Variants in CAST observed in about 807,000 individuals in gnomAD.
The protein encoded by CAST is calpastatin.
CAST carries 76 observed loss-of-function variants against 119.6 expected under a neutral mutation model. That is an observed-to-expected ratio of 0.64 (90% CI 0.53 to 0.77). The LOEUF (loss-of-function observed/expected upper bound fraction) is 0.77, where lower values mean the gene tolerates loss of function less well. Among genes scored for constraint, CAST ranks in the 30% least tolerant of loss-of-function variants. The probability of loss-of-function intolerance (pLI) is 0.00; values close to 1 mark genes in which losing one functional copy is unlikely to be tolerated. For missense variants in CAST, 953 were observed against 946.5 expected, an observed-to-expected ratio of 1.01 and a Z score of -0.09; for synonymous variants, 319 against 331.6, an observed-to-expected ratio of 0.96 and a Z score of 0.41.
chr5:96,755,534 T>C (rs1323766558), intron 22 of CAST, among the ~76,000 whole-genome samples: 1 of 152,228 alleles, frequency 6.6e-6, no homozygotes, highest in South Asian at 2.1e-4. Flanking sequence ...TTATGAGTCC[T>C]GTGGTTTAAG....
the CAST span, among the ~76,000 whole-genome samples, chr5:95,979,394 A>C: frequency 7.9e-5 from 12 of 152,234 alleles, no homozygotes; most frequent in Non-Finnish European, 1.6e-4. Context: ...TCAGTTACAC[A>C]TGACATATGC....
At chr5:96,687,165 G>T (rs1752180054) in intron 2 of CAST, among the ~76,000 whole-genome samples, 1 of 152,188 alleles carries the variant, frequency 6.6e-6, no homozygotes, top group South Asian at 2.1e-4. Flanking sequence ...AGGCCAGCGG[G>T]TGATCAGATC....
intron 6 of CAST, among the ~76,000 whole-genome samples, 182 bp downstream of exon 6, chr5:96,727,712 T>C (rs1759540817): frequency 6.6e-6 from 1 of 152,156 alleles, no homozygotes. Flanking sequence ...ATTAAGTCCG[T>C]ATATTGTTAA....
chr5:96,015,926 G>A, the CAST span, among the ~76,000 whole-genome samples: 1 of 152,156 alleles, frequency 6.6e-6, no homozygotes, highest in Non-Finnish European at 1.5e-5. Context: ...ATAGTCTCCA[G>A]TGTAGTATTC....
chr5:96,566,387 A>G (rs1382306341), intron 1 of CAST, among the ~76,000 whole-genome samples: 1 of 152,218 alleles, frequency 6.6e-6, no homozygotes, highest in African/African-American at 2.4e-5. Flanking sequence ...ACAGGAAGGG[A>G]AGACATTAGT....
At chr5:96,524,258 T>C (rs959723631), upstream of CAST, among the ~76,000 whole-genome samples, 3 of 152,240 alleles carry the variant, frequency 2.0e-5, no homozygotes, top group African/African-American at 4.8e-5. Context: ...TCTTGAGTTT[T>C]GAGGCCAAAA....
chr5:96,704,608 C>T (rs1219111378), intron 3 of CAST, among the ~76,000 whole-genome samples: 3 of 152,164 alleles, frequency 2.0e-5, no homozygotes, highest in Admixed American at 2.0e-4. Flanking sequence ...AACTCCATAA[C>T]CCATATTCTT....
intron 1 of CAST, among the ~76,000 whole-genome samples, chr5:96,571,707 G>A (rs1348626434): frequency 2.0e-5 from 3 of 152,152 alleles, no homozygotes; most frequent in Non-Finnish European, 2.9e-5. Flanking sequence ...TCTAGAGGGG[G>A]TTTTTGACCA....
chr5:96,145,572 AAAAGG>A, the CAST span, among the ~76,000 whole-genome samples: 1 of 152,298 alleles, frequency 6.6e-6, no homozygotes, highest in East Asian at 1.9e-4. Flanking sequence ...AAATATTAGG[AAAAGG>A]TCATTGCAAG....
the CAST span, among the ~76,000 whole-genome samples, chr5:96,090,436 C>A: frequency 6.6e-6 from 1 of 151,490 alleles, no homozygotes; most frequent in Admixed American, 6.6e-5. Context: ...CAGCATCCTC[C>A]CCAGAGCTCC....
the CAST span, among the ~76,000 whole-genome samples, chr5:96,263,436 G>A: frequency 6.6e-6 from 1 of 152,118 alleles, no homozygotes; most frequent in Non-Finnish European, 1.5e-5. Context: ...GATGGATGGA[G>A]CACAAGAAAT....
chr5:96,357,677 A>C, the CAST span, among the ~76,000 whole-genome samples: 1 of 152,194 alleles, frequency 6.6e-6, no homozygotes, highest in Non-Finnish European at 1.5e-5. Context: ...CCCAGGGATG[A>C]AGCCGAGTTG....
chr5:96,640,732 G>A lies in CAST; in HGVS notation c.61-34807G>A, dbSNP rs73136664. Among the ~76,000 whole-genome samples, 1,278 of 152,286 alleles carry A rather than the reference G, an allele frequency of 8.4e-3. 17 individuals carry two copies. The highest frequency in any genetic ancestry group is 0.028 in the African/African-American group (1,174 of 41,562). On this transcript the variant is annotated intron_variant, in intron 1 of 11. Coordinates refer to the CAST transcript ENST00000505143. ...GAATTGTCCAGGGTTCAGGAGACAGGGGAGGCCTTTTTATACCTGCATCAC... is the reference window on the plus strand; with the variant it reads ...GAATTGTCCAGGGTTCAGGAGACAGAGGAGGCCTTTTTATACCTGCATCAC...
At chr5:96,559,256 G>C (rs1746307913) in intron 1 of CAST, among the ~76,000 whole-genome samples, 1 of 152,130 alleles carries the variant, frequency 6.6e-6, no homozygotes, top group Non-Finnish European at 1.5e-5. Context: ...ATATCATACT[G>C]AATGGGCAAA....
the CAST span, among the ~76,000 whole-genome samples, chr5:96,199,846 C>T: frequency 6.6e-6 from 1 of 152,060 alleles, no homozygotes; most frequent in Admixed American, 6.6e-5. Flanking sequence ...AAATATTTTT[C>T]TCTCTCAGCT....
chr5:96,556,221 A>T (rs987380020), intron 1 of CAST, among the ~76,000 whole-genome samples: 4 of 152,236 alleles, frequency 2.6e-5, no homozygotes, highest in African/African-American at 9.6e-5. Context: ...CATCTGCATC[A>T]TCAAAGACCA....
chr5:96,435,122 G>A, the CAST span, among the ~76,000 whole-genome samples: 1 of 152,210 alleles, frequency 6.6e-6, no homozygotes, highest in Non-Finnish European at 1.5e-5. Context: ...CTGTGCACTA[G>A]CAAGGCAAGA....
the CAST span, chr5:96,433,015 A>G: frequency 2.5e-6 from 4 of 1,614,204 alleles, no homozygotes; most frequent in East Asian, 8.9e-5. Flanking sequence ...AAAGCAGTGC[A>G]CTGCAGACTC....
chr5:96,412,420 G>T, the CAST span: 3 of 1,613,628 alleles, frequency 1.9e-6, no homozygotes, highest in Non-Finnish European at 2.5e-6. Context: ...AAATATCCAC[G>T]TGTCCAGGAT....
Sources: gnomAD v4.1 joint callset for allele counts (sites outside exome capture counted in the v4.1 genomes callset) on GRCh38, gnomAD v4.1.1 for gene constraint, MANE v1.5 for transcripts, NCBI Gene and HGNC (gene_info 2026-07-23, HGNC 2026-07-21) for gene names.